Variants in IGF2BP3 observed in about 807,000 individuals in gnomAD.
IGF2BP3 encodes the protein insulin like growth factor 2 mRNA binding protein 3, also known as insulin-like growth factor 2 mRNA-binding protein 3.
IGF2BP3 carries 9 observed loss-of-function variants against 73.8 expected under a neutral mutation model. The ratio of observed to expected loss-of-function variants is 0.12; its 90% CI spans 0.07 to 0.21. The LOEUF is 0.21. IGF2BP3 is among the 10% of genes least tolerant of loss of function. IGF2BP3 has a pLI of 1.00. For missense variants in IGF2BP3, 542 were observed against 714.0 expected (o/e 0.76, Z 2.75); for synonymous variants, 258 against 256.7 (o/e 1.01, Z -0.05).
intron 2 of IGF2BP3, among the ~76,000 whole-genome samples, chr7:23,458,943 G>A (rs1327535867): frequency 6.6e-6 from 1 of 152,194 alleles, no homozygotes; most frequent in Non-Finnish European, 1.5e-5. Context: ...AAATGGGAGG[G>A]ATGAAGTCAG....
intron 10 of IGF2BP3, among the ~76,000 whole-genome samples, chr7:23,335,256 C>G (rs1784544585): frequency 6.6e-6 from 1 of 150,946 alleles, no homozygotes; most frequent in African/African-American, 2.4e-5. Flanking sequence ...CTGAAACACT[C>G]ATCTGATTTA....
intron 3 of IGF2BP3, among the ~76,000 whole-genome samples, chr7:23,405,572 C>T (rs771088034): frequency 6.6e-6 from 1 of 152,180 alleles, no homozygotes; most frequent in Non-Finnish European, 1.5e-5. Flanking sequence ...AGGAGGTGAG[C>T]AGGCTTAAAT....
At chr7:23,466,443 T>A (rs565096737) in intron 2 of IGF2BP3, among the ~76,000 whole-genome samples, 13 of 152,380 alleles carry the variant, frequency 8.5e-5, no homozygotes, top group African/African-American at 2.9e-4. Context: ...CTGTATCATT[T>A]AAAATCCTGA....
At chr7:23,321,980 G>C (rs1784167523) in intron 10 of IGF2BP3, among the ~76,000 whole-genome samples, 2 of 152,182 alleles carry the variant, frequency 1.3e-5, no homozygotes, top group Admixed American at 6.5e-5. Flanking sequence ...GGAAAAAACA[G>C]AGCAAAAAAA....
chr7:23,436,979 G>A (rs1055173757), intron 2 of IGF2BP3, among the ~76,000 whole-genome samples: 1 of 152,010 alleles, frequency 6.6e-6, no homozygotes, highest in African/African-American at 2.4e-5. Context: ...AGCCAGGCAT[G>A]GTGGTGGTGT....
intron 3 of IGF2BP3, among the ~76,000 whole-genome samples, chr7:23,396,958 G>A (rs1786494551): frequency 6.6e-6 from 1 of 152,102 alleles, no homozygotes; most frequent in African/African-American, 2.4e-5. Context: ...TTCACAGATG[G>A]GAAAGGGACT....
chr7:23,360,093 A>C (rs1471089726), intron 5 of IGF2BP3, among the ~76,000 whole-genome samples: 1 of 151,490 alleles, frequency 6.6e-6, no homozygotes. Flanking sequence ...AAAGTTTGAT[A>C]AAGTCCTGTG....
chr7:23,347,093 C>T (rs1159826367), intron 7 of IGF2BP3, among the ~76,000 whole-genome samples: 1 of 152,164 alleles, frequency 6.6e-6, no homozygotes, highest in African/African-American at 2.4e-5. Flanking sequence ...GTACGCTAAA[C>T]GTGGCACAGA....
intron 10 of IGF2BP3, among the ~76,000 whole-genome samples, chr7:23,327,755 A>T (rs1338205899): frequency 1.3e-5 from 2 of 152,142 alleles, no homozygotes; most frequent in African/African-American, 4.8e-5. Context: ...TGTGCCATTT[A>T]ATGTCGGACT....
intron 2 of IGF2BP3, among the ~76,000 whole-genome samples, chr7:23,441,914 C>T (rs1388465114): frequency 1.3e-5 from 2 of 152,084 alleles, no homozygotes; most frequent in South Asian, 2.1e-4. Flanking sequence ...CACCTGAGGT[C>T]GTGAGTTTGA....
chr7:23,347,679 G>C lies in IGF2BP3; in HGVS notation c.739C>G (p.Leu247Val), dbSNP rs758058585. 1 of 1,614,080 alleles carries C rather than the reference G, an allele frequency of 6.2e-7. No individual in the cohort carries two copies. The highest frequency in any genetic ancestry group is 1.1e-5 in the South Asian group (1 of 91,082). ...AGAAEKSITI[L>V]STPEGTSAAC... The stretch of plus-strand genomic sequence containing the variant: ...GCAGAGGTGCCTTCAGGAGTAGAGA[G>C]GATAGTAATCGACTTCTCAGCAGCC... The change falls in exon 7 of 15, where the codon CTC becomes GTC. Residue 247 changes from leucine (L) to valine (V), a missense_variant. By Grantham distance (32) the Leu-to-Val change is conservative. Transcript: ENST00000258729.
intron 3 of IGF2BP3, among the ~76,000 whole-genome samples, chr7:23,406,709 C>T (rs1262813208): frequency 1.3e-5 from 2 of 152,150 alleles, no homozygotes; most frequent in Non-Finnish European, 2.9e-5. Flanking sequence ...CTTTTATTCC[C>T]TTATTTGGCC....
At chr7:23,410,077 G>A (rs962923363) in intron 3 of IGF2BP3, among the ~76,000 whole-genome samples, 3 of 152,158 alleles carry the variant, frequency 2.0e-5, no homozygotes, top group East Asian at 1.9e-4. Flanking sequence ...GCTGAGACAC[G>A]AGAATCGCTT....
chr7:23,391,419 T>A (rs893110539), intron 3 of IGF2BP3, among the ~76,000 whole-genome samples: 1 of 152,138 alleles, frequency 6.6e-6, no homozygotes, highest in African/African-American at 2.4e-5. Context: ...CCTTTTAAAA[T>A]CTCAGTTGTA....
intron 10 of IGF2BP3, among the ~76,000 whole-genome samples, chr7:23,336,187 TA>T (rs59957630): frequency 0.023 from 3,426 of 147,790 alleles, 92 homozygotes; most frequent in African/African-American, 0.062. Flanking sequence ...TAGTATATAT[TA>T]AAAAAAAAAA....
At chr7:23,333,730 G>T (rs1784497591) in intron 10 of IGF2BP3, among the ~76,000 whole-genome samples, 2 of 152,230 alleles carry the variant, frequency 1.3e-5, no homozygotes, top group Admixed American at 1.3e-4. Context: ...AGCAGAGTTA[G>T]AAGCAAACTA....
intron 8 of IGF2BP3, among the ~76,000 whole-genome samples, chr7:23,344,871 A>G (rs1053226504): frequency 6.6e-6 from 1 of 152,238 alleles, no homozygotes; most frequent in African/African-American, 2.4e-5. Context: ...CTATAATTCT[A>G]ATTCAGTCTC....
rs762060216 is a variant in IGF2BP3, at chr7:23,346,059, T to C, written c.822A>G (p.Thr274=). ...MHKEAQDIKF[T]EEIPLKILAH... is the part of the protein sequence containing the mutation. ...CTAAAATCTTCAAGGGGATCTCTTC[T>C]GTGCTGTAAATAGAAAAGTGGCCAT... Residue 274 remains threonine, a synonymous_variant, in exon 8 of 15, where the codon ACA becomes ACG. Transcript: ENST00000258729. 1.2e-6 allele frequency: 2 copies of C among 1,607,812 alleles called. No individual in the cohort carries two copies. Among genetic ancestry groups the C allele is most frequent in the Non-Finnish European group, 8.5e-7 (1 of 1,178,582 alleles).
chr7:23,347,890 A>T, intron 6 of IGF2BP3, 156 bp from the exon 7 acceptor site: 1 of 773,862 alleles, frequency 1.3e-6, no homozygotes, highest in Non-Finnish European at 2.0e-6. Flanking sequence ...TGTCAACATT[A>T]ATGCCTTAAG....
Sources: allele counts gnomAD v4.1 joint callset (sites outside exome capture counted in the v4.1 genomes callset), GRCh38; gene constraint gnomAD v4.1.1; transcripts MANE v1.5; gene names NCBI Gene and HGNC (gene_info 2026-07-23, HGNC 2026-07-21).